The following RABGAP1L variants were observed in gnomAD, a reference collection of about 807,000 sequenced individuals.
The protein encoded by RABGAP1L is RAB GTPase activating protein 1 like, also known as rab GTPase-activating protein 1-like.
Under a neutral mutation model 137.7 loss-of-function variants are expected in RABGAP1L, and 63 were observed. That is an observed-to-expected ratio of 0.46 (90% CI 0.37 to 0.56). The LOEUF (loss-of-function observed/expected upper bound fraction) is 0.56, where lower values mean the gene tolerates loss of function less well. Ranked by LOEUF, RABGAP1L falls within the 20% of genes least tolerant of loss-of-function variation. The pLI is 0.00. For missense variants in RABGAP1L, 1,095 were observed against 1,244.0 expected, an observed-to-expected ratio of 0.88 and a Z score of 1.80; for synonymous variants, 431 against 433.7, an observed-to-expected ratio of 0.99 and a Z score of 0.08.
At chr1:174,490,110 G>C (rs1303995411) in intron 13 of RABGAP1L, among the ~76,000 whole-genome samples, 1 of 151,976 alleles carries the variant, frequency 6.6e-6, no homozygotes, top group Non-Finnish European at 1.5e-5. Context: ...TGTTTGGTGA[G>C]GTCATGCTTT....
intron 13 of RABGAP1L, among the ~76,000 whole-genome samples, chr1:174,602,420 T>C (rs773171112): frequency 7.2e-5 from 11 of 152,120 alleles, no homozygotes; most frequent in Non-Finnish European, 1.3e-4. Flanking sequence ...GTGAGACTTA[T>C]TCACTCTGCA....
intron 1 of RABGAP1L, among the ~76,000 whole-genome samples, chr1:174,169,433 G>A (rs1665166324): frequency 6.6e-6 from 1 of 152,084 alleles, no homozygotes; most frequent in African/African-American, 2.4e-5. Flanking sequence ...TGTTGGCCAG[G>A]CTGGTCTCAA....
chr1:174,493,330 C>T (rs1055192408), intron 13 of RABGAP1L, among the ~76,000 whole-genome samples: 6 of 151,490 alleles, frequency 4.0e-5, no homozygotes, highest in Non-Finnish European at 5.9e-5. Context: ...TACTGTACTT[C>T]AGCCTGGGCA....
At chr1:174,871,229 T>C (rs949367841) in intron 19 of RABGAP1L, among the ~76,000 whole-genome samples, 1 of 151,582 alleles carries the variant, frequency 6.6e-6, no homozygotes, top group Admixed American at 6.6e-5. Flanking sequence ...AGTGGCGCGA[T>C]CTCAGCTGAT....
At chr1:174,678,717 G>A (rs538507624) in intron 14 of RABGAP1L, among the ~76,000 whole-genome samples, 1 of 152,132 alleles carries the variant, frequency 6.6e-6, no homozygotes, top group Non-Finnish European at 1.5e-5. Flanking sequence ...TTGGCCTCAC[G>A]GCTTCCAAGA....
At chr1:174,659,157 T>C (rs541018103) in intron 14 of RABGAP1L, among the ~76,000 whole-genome samples, 1 of 152,118 alleles carries the variant, frequency 6.6e-6, no homozygotes, top group Non-Finnish European at 1.5e-5. Context: ...TGCTAGGCAT[T>C]GTGTTTAATC....
intron 15 of RABGAP1L, among the ~76,000 whole-genome samples, chr1:174,695,891 A>G (rs1572839494): frequency 6.6e-6 from 1 of 152,192 alleles, no homozygotes; most frequent in Non-Finnish European, 1.5e-5. Flanking sequence ...GGGCTTGGGT[A>G]AGATCTGAGA....
intron 13 of RABGAP1L, among the ~76,000 whole-genome samples, chr1:174,612,061 T>C (rs1671303335): frequency 6.6e-6 from 1 of 152,226 alleles, no homozygotes; most frequent in Non-Finnish European, 1.5e-5. Flanking sequence ...TTCTCCTGCC[T>C]AATTGCCCTG....
At chr1:174,943,985 T>C (rs537304373) in intron 19 of RABGAP1L, among the ~76,000 whole-genome samples, 1 of 152,126 alleles carries the variant, frequency 6.6e-6, no homozygotes, top group East Asian at 1.9e-4. Flanking sequence ...AAATGCCAAG[T>C]TGTGGCCAGA....
At chr1:174,406,460 A>G (rs1193235487) in intron 13 of RABGAP1L, among the ~76,000 whole-genome samples, 2 of 152,192 alleles carry the variant, frequency 1.3e-5, no homozygotes, top group Non-Finnish European at 2.9e-5. Flanking sequence ...GAAAGATGTT[A>G]GAGGTTATTG....
At chr1:174,191,640 C>G (rs1312561557) in intron 1 of RABGAP1L, among the ~76,000 whole-genome samples, 1 of 152,198 alleles carries the variant, frequency 6.6e-6, no homozygotes, top group African/African-American at 2.4e-5. Context: ...CTGCTTCCTC[C>G]TTTTCCTGCC....
At chr1:174,575,682 C>T (rs1189576468) in intron 13 of RABGAP1L, among the ~76,000 whole-genome samples, 1 of 152,120 alleles carries the variant, frequency 6.6e-6, no homozygotes, top group East Asian at 1.9e-4. Context: ...TATTTGAGCA[C>T]CAAAGTAATT....
intron 18 of RABGAP1L, among the ~76,000 whole-genome samples, chr1:174,755,347 T>A (rs61329817): frequency 0.078 from 11,937 of 152,276 alleles, 654 homozygotes; most frequent in East Asian, 0.32. Flanking sequence ...ATTTATTTAC[T>A]TATATGAAAC....
intron 1 of RABGAP1L, among the ~76,000 whole-genome samples, chr1:174,214,501 G>A (rs12060883): frequency 0.017 from 2,643 of 152,188 alleles, 63 homozygotes; most frequent in African/African-American, 0.061. Context: ...AAATTTATAT[G>A]AAACTACAAA....
chr1:174,504,847 C>T (rs77333883), intron 13 of RABGAP1L, among the ~76,000 whole-genome samples: 18,158 of 152,024 alleles, frequency 0.12, 3,662 homozygotes, highest in African/African-American at 0.41. Flanking sequence ...AAAGCACAAG[C>T]AACAGAAGCA....
intron 13 of RABGAP1L, among the ~76,000 whole-genome samples, chr1:174,462,049 T>G (rs1358472116): frequency 1.3e-5 from 2 of 152,184 alleles, no homozygotes; most frequent in Non-Finnish European, 2.9e-5. Flanking sequence ...AAGCATTGTT[T>G]CTGTCCAGGC....
intron 19 of RABGAP1L, among the ~76,000 whole-genome samples, chr1:174,856,928 A>C (rs1649412144): frequency 6.9e-6 from 1 of 144,420 alleles, no homozygotes; most frequent in Non-Finnish European, 1.5e-5. Flanking sequence ...CTCCGTCTCC[A>C]AAAAAAAAAA....
At chr1:174,274,635 T>A (rs1217354885) in intron 8 of RABGAP1L, among the ~76,000 whole-genome samples, 1 of 151,802 alleles carries the variant, frequency 6.6e-6, no homozygotes, top group Non-Finnish European at 1.5e-5. Context: ...TGTGTGTGTG[T>A]GTGTAGAGGA....
At position 174,854,888 on chromosome 1, in the gene RABGAP1L, C is replaced by A. The variant is rs1426617035; in HGVS notation, c.2340+42928C>A. Among the ~76,000 whole-genome samples the A allele has an allele frequency of 1.2e-4, 18 of 151,544 alleles. 1 individual carries two copies. The highest frequency in any genetic ancestry group is 1.2e-3 in the Admixed American group (18 of 15,218). ...GAGTAGCTGGGATTACAGGCACGTA[C>A]CACCGCATCTGGCTAGTTTTTGTAT... On this transcript the variant is annotated intron_variant, in intron 19 of 25. Transcript: ENST00000681986.
Sources: allele counts gnomAD v4.1 joint callset (sites outside exome capture counted in the v4.1 genomes callset), GRCh38; gene constraint gnomAD v4.1.1; transcripts MANE v1.5; gene names NCBI Gene and HGNC (gene_info 2026-07-23, HGNC 2026-07-21).